Variants in ADGRV1 observed in about 807,000 individuals in gnomAD.
ADGRV1 encodes the protein adhesion G protein-coupled receptor V1, also known as G-protein coupled receptor 98.
In ADGRV1, 359 loss-of-function variants were observed where a neutral mutation model predicts 596.2. That is an observed-to-expected ratio of 0.60 (90% confidence interval 0.55 to 0.66). The LOEUF (loss-of-function observed/expected upper bound fraction) is 0.66. Among genes scored for constraint, ADGRV1 ranks in the 30% least tolerant of loss-of-function variants. The pLI, the probability that ADGRV1 is intolerant of heterozygous loss-of-function variation, is 0.00. For synonymous variants in ADGRV1, 2,681 were observed against 2,679.2 expected (o/e 1.00, Z -0.02); for missense variants, 7,274 against 7,575.6 (o/e 0.96, Z 1.48).
At position 90,674,229 on chromosome 5, in the gene ADGRV1, C is replaced by A; in HGVS notation, c.5105C>A (p.Pro1702Gln). ...ATCACCATCAAAGCTAGTGATCATC[C>A]ATATGGTAACCTGCTCCTTTTGCAA... is the stretch of plus-strand genomic sequence containing the variant. ...TDITIKASDH[P>Q]YGLLQFSTGL... Residue 1702 changes from proline (P) to glutamine (Q), a missense_variant, in exon 23 of 90, where the codon CCA becomes CAA. By Grantham distance (76) the Pro-to-Gln change is moderately conservative. Transcript: ENST00000405460. The A allele has an allele frequency of 6.3e-7, 1 of 1,592,364 alleles. No homozygotes were observed. Among genetic ancestry groups the A allele is most frequent in the Non-Finnish European group, 8.5e-7 (1 of 1,169,632 alleles).
At chr5:91,117,835 C>T (rs1792985790) in intron 87 of ADGRV1, among the ~76,000 whole-genome samples, 2 of 152,074 alleles carry the variant, frequency 1.3e-5, no homozygotes, top group Non-Finnish European at 2.9e-5. Flanking sequence ...TTCTGTAAGC[C>T]TCAGGTTCCC....
At chr5:90,899,171 A>G (rs907566482) in intron 83 of ADGRV1, 18 of 152,222 alleles carry the variant, frequency 1.2e-4, no homozygotes, top group Non-Finnish European at 2.9e-5. Context: ...CCTTCTTTAA[A>G]TGTTTCATGA....
intron 83 of ADGRV1, among the ~76,000 whole-genome samples, chr5:90,934,419 CT>C (rs1775508306): frequency 6.6e-6 from 1 of 152,206 alleles, no homozygotes; most frequent in Non-Finnish European, 1.5e-5. Context: ...ACTTACCCTT[CT>C]AAGTCTAATA....
Position 91,072,467 on chromosome 5 carries a change from A to G in ADGRV1, c.18173A>G (p.Tyr6058Cys), listed in dbSNP as rs1037957516. Residue 6058 changes from tyrosine to cysteine, a missense_variant, in exon 86 of 90, where the codon TAT (tyrosine) becomes TGT (cysteine). Coordinates refer to ENST00000405460, the MANE Select transcript of ADGRV1 (RefSeq NM_032119.4). ...HGDLCFIPNV[Y>C]AALFTAALVP... Reference sequence around the variant, plus strand: ...TCCAGGTGTTTTATTCCAAACGTCTATGCTGCTTTGTTCACTGCAGCTCTT... The same window carrying G: ...TCCAGGTGTTTTATTCCAAACGTCTGTGCTGCTTTGTTCACTGCAGCTCTT... 6.2e-7 allele frequency: 1 copy of G among 1,613,598 alleles called. No homozygotes were observed. Among genetic ancestry groups the G allele is most frequent in the Non-Finnish European group, 8.5e-7 (1 of 1,179,654 alleles).
chr5:90,805,416 A>G lies in ADGRV1; in HGVS notation c.14794A>G (p.Ile4932Val), dbSNP rs1290245327. Residue 4932 changes from isoleucine (I) to valine (V), a missense_variant, in exon 72 of 90, where the codon ATT (isoleucine) becomes GTT (valine). Ile to Val is a conservative substitution (Grantham distance 29). This residue lies in a region of ADGRV1 where 1,874 missense variants were observed against 1,970.2 expected (regional missense o/e 0.95). Transcript: ENST00000405460. Reference protein sequence around the residue: ...WTTGYAPGLEIPEFIVVGNMT... With the variant: ...WTTGYAPGLEVPEFIVVGNMT... ...CACTGGATATGCTCCTGGGTTAGAAATTCCTGAATTCATTGTTGTTGGCAA... is the reference window on the plus strand; with the variant it reads ...CACTGGATATGCTCCTGGGTTAGAAGTTCCTGAATTCATTGTTGTTGGCAA... The G allele has an allele frequency of 1.3e-6, 2 of 1,598,344 alleles. No individual in the cohort carries two copies. The highest frequency in any genetic ancestry group is 1.7e-5 in the Admixed American group (1 of 59,644).
chr5:90,603,899 C>A, intron 1 of ADGRV1, among the ~76,000 whole-genome samples: 1 of 139,098 alleles, frequency 7.2e-6, no homozygotes, highest in African/African-American at 2.6e-5. Context: ...TGCCTGCACA[C>A]ACGTGTGTGC....
rs1482213992 is a variant in ADGRV1, at chr5:91,101,814, C to T, written c.18311-405C>T. On this transcript the variant is annotated intron_variant, in intron 86 of 89. Coordinates refer to ENST00000405460, the MANE Select transcript of ADGRV1 (RefSeq NM_032119.4). The stretch of plus-strand genomic sequence containing the variant: ...GCACACACACACACACGCACACACG[C>T]ACGATGTTATATAATTTCTGTTCTT... Among the ~76,000 whole-genome samples the T allele has an allele frequency of 3.3e-5, 5 of 152,170 alleles. No homozygotes were observed. The East Asian group carries it at 9.6e-4, about 29-fold the overall frequency.
intron 83 of ADGRV1, among the ~76,000 whole-genome samples, chr5:90,908,693 C>T (rs1206796202): frequency 6.6e-6 from 1 of 152,132 alleles, no homozygotes; most frequent in Admixed American, 6.5e-5. Flanking sequence ...ACCTTCTGCG[C>T]ATTTGCCTGA....
chr5:90,690,887 G>A lies in ADGRV1; in HGVS notation c.6797G>A (p.Gly2266Asp), dbSNP rs771132013. ...ATAATTCGAAATTCTGGGACACTCG[G>A]CAATGTTACTGTTCAGTGGGTTGCC... ...LPIIRNSGTL[G>D]NVTVQWVATI... The change falls in exon 31 of 90, where the codon GGC (glycine) becomes GAC (aspartate). Residue 2266 changes from glycine (G) to aspartate (D), a missense_variant. Gly to Asp is a moderately conservative substitution (Grantham distance 94, BLOSUM62 -1). Transcript: ENST00000405460. 6.8e-6 allele frequency: 11 copies of A among 1,613,442 alleles called. No homozygotes were observed. In the South Asian group the frequency reaches 1.1e-4, roughly 16 times the overall value.
rs555238063 is a variant in ADGRV1 at position 90,956,598 on chromosome 5, T to G, written c.17857-8817T>G. On this transcript the variant is annotated intron_variant, in intron 83 of 89. Transcript: ENST00000405460. The stretch of plus-strand genomic sequence containing the variant: ...AAAATTTAGTTCAACCTTTGTAATA[T>G]TCAAATGATCTTGATGTTTCAGCTT... Among the ~76,000 whole-genome samples the G allele has an allele frequency of 1.4e-4, 22 of 152,342 alleles. 1 individual carries two copies. The South Asian group carries it at 4.6e-3, about 32-fold the overall frequency.
intron 70 of ADGRV1, among the ~76,000 whole-genome samples, chr5:90,799,593 G>A (rs1761132442): frequency 1.3e-5 from 2 of 152,106 alleles, no homozygotes; most frequent in South Asian, 4.1e-4. Context: ...AACTTCATAT[G>A]GAACCAAAAA....
chr5:90,646,140 A>C (rs2149441796), intron 16 of ADGRV1, 49 bp downstream of exon 16: 1 of 1,413,834 alleles, frequency 7.1e-7, no homozygotes, highest in African/African-American at 1.4e-5. Context: ...CTTAAATAGT[A>C]TATATAAATG....
chr5:91,043,756 C>T (rs964077368), intron 85 of ADGRV1, among the ~76,000 whole-genome samples: 2 of 151,854 alleles, frequency 1.3e-5, no homozygotes, highest in South Asian at 4.2e-4. Flanking sequence ...CAAGGATTTG[C>T]ATTTGCTGTC....
At chr5:91,038,631 C>T (rs1785092261) in intron 85 of ADGRV1, among the ~76,000 whole-genome samples, 1 of 152,134 alleles carries the variant, frequency 6.6e-6, no homozygotes, top group Non-Finnish European at 1.5e-5. Context: ...AGGCAGAGTG[C>T]CTAGAAAGAA....
intron 9 of ADGRV1, among the ~76,000 whole-genome samples, chr5:90,634,716 T>A (rs1465224442): frequency 6.6e-6 from 1 of 152,132 alleles, no homozygotes; most frequent in East Asian, 1.9e-4. Context: ...CTGATGATAC[T>A]AGTGAAGGGG....
chr5:91,118,942 TCTC>T (rs1793078462), intron 87 of ADGRV1, among the ~76,000 whole-genome samples: 1 of 152,152 alleles, frequency 6.6e-6, no homozygotes. Context: ...ATCATTTTCT[TCTC>T]CTTTCAACAT....
chr5:91,128,466 T>C (rs1793949359), intron 87 of ADGRV1, among the ~76,000 whole-genome samples: 1 of 152,188 alleles, frequency 6.6e-6, no homozygotes, highest in Admixed American at 6.6e-5. Flanking sequence ...GCTATGCGTT[T>C]AACCTCTGTG....
At chr5:91,118,429 T>C (rs1793036128) in intron 87 of ADGRV1, among the ~76,000 whole-genome samples, 1 of 152,104 alleles carries the variant, frequency 6.6e-6, no homozygotes, top group South Asian at 2.1e-4. Context: ...ACTGCAATTA[T>C]TGAATTCTGG....
In ADGRV1 at chr5:90,704,473, G is replaced by A; in HGVS notation, c.8371G>A (p.Asp2791Asn). Reference sequence around the variant, plus strand: ...AGAAGTATACCAAGTCATTCTGTATGATGTCAGGACACAAGGTAATTCAGA... The same window carrying A: ...AGAAGTATACCAAGTCATTCTGTATAATGTCAGGACACAAGGTAATTCAGA... ...EKEVYQVILY[D>N]VRTQGVPPAG... is the part of the protein sequence containing the mutation. Residue 2791 changes from aspartate to asparagine, a missense_variant, in exon 36 of 90, where the codon GAT (aspartate) becomes AAT (asparagine). Transcript: ENST00000405460. The A allele has an allele frequency of 6.4e-7, 1 of 1,558,962 alleles. No homozygotes were observed. Among genetic ancestry groups the A allele is most frequent in the Non-Finnish European group, 8.7e-7 (1 of 1,144,976 alleles).
Sources: allele counts gnomAD v4.1 joint callset (sites outside exome capture counted in the v4.1 genomes callset), GRCh38; gene constraint gnomAD v4.1.1; regional missense constraint gnomAD v4.1.1; transcripts MANE v1.5; gene names NCBI Gene and HGNC (gene_info 2026-07-23, HGNC 2026-07-21).